Variants in STX8 observed in about 807,000 individuals in gnomAD.
The protein encoded by STX8 is syntaxin 8.
STX8 carries 23 observed loss-of-function variants against 37.5 expected under a neutral mutation model. That is an observed-to-expected ratio of 0.61 (90% CI 0.44 to 0.87). The LOEUF is 0.87. STX8 is among the 40% of genes least tolerant of loss of function. STX8 has a pLI of 0.00. For synonymous variants in STX8, 115 were observed against 99.1 expected, an observed-to-expected ratio of 1.16 and a Z score of -0.95; for missense variants, 313 against 284.7, an observed-to-expected ratio of 1.10 and a Z score of -0.71.
chr17:9,289,513 A>ATT (rs58687825), intron 7 of STX8, among the ~76,000 whole-genome samples: 35 of 147,262 alleles, frequency 2.4e-4, no homozygotes, highest in African/African-American at 8.7e-4. Flanking sequence ...ATACCCACAA[A>ATT]TTTTTTTTTT....
intron 7 of STX8, among the ~76,000 whole-genome samples, chr17:9,277,904 C>T (rs1337207157): frequency 6.6e-6 from 1 of 152,012 alleles, no homozygotes; most frequent in Non-Finnish European, 1.5e-5. Context: ...CCTGCAGGGC[C>T]CTAGAAGCCA....
chr17:9,475,759 T>A (rs1906075748), intron 6 of STX8, among the ~76,000 whole-genome samples: 1 of 152,248 alleles, frequency 6.6e-6, no homozygotes. Flanking sequence ...TGAATCGGCT[T>A]GTGCCCTCTT....
chr17:9,562,491 A>G (rs1907281874), intron 2 of STX8, among the ~76,000 whole-genome samples: 1 of 152,044 alleles, frequency 6.6e-6, no homozygotes, highest in Non-Finnish European at 1.5e-5. Context: ...AATAACTACA[A>G]TTTATCACGA....
chr17:9,362,840 A>AAAATAAATAAATAAAT (rs1555601153), intron 7 of STX8, among the ~76,000 whole-genome samples: 24 of 115,444 alleles, frequency 2.1e-4, no homozygotes, highest in African/African-American at 7.2e-4. Context: ...AAAAAAAAAA[A>AAAATAAATAAATAAAT]AAATAAATAA....
At chr17:9,458,055 C>T (rs1159158338) in intron 6 of STX8, among the ~76,000 whole-genome samples, 1 of 152,196 alleles carries the variant, frequency 6.6e-6, no homozygotes, top group African/African-American at 2.4e-5. Context: ...ACCAATCTTG[C>T]TAAGAAAACC....
rs146838683 is a variant in STX8, at chr17:9,267,479, G to A, written c.644-16834C>T. Among the ~76,000 whole-genome samples the A allele has an allele frequency of 8.8e-3, 1,335 of 152,184 alleles. 9 individuals are homozygous for A. The highest frequency in any genetic ancestry group is 0.029 in the South Asian group (140 of 4,810). ...GTGCTCAATGCTGCCCATATCCCCC[G>A]TGTTGTGTGACACCACAGCACGAGT... On this transcript the variant is annotated intron_variant, in intron 7 of 7. Coordinates refer to ENST00000306357, the MANE Select transcript of STX8 (RefSeq NM_004853.3).
chr17:9,286,613 T>C (rs1039358501), intron 7 of STX8, among the ~76,000 whole-genome samples: 1 of 149,698 alleles, frequency 6.7e-6, no homozygotes, highest in African/African-American at 2.5e-5. Flanking sequence ...AACTCTAAGC[T>C]GGCTACAGCA....
chr17:9,292,883 C>G (rs1241257357), intron 7 of STX8, among the ~76,000 whole-genome samples: 1 of 152,140 alleles, frequency 6.6e-6, no homozygotes, highest in Admixed American at 6.5e-5. Flanking sequence ...AGCTCTCATG[C>G]CCCCCATCTT....
intron 4 of STX8, among the ~76,000 whole-genome samples, chr17:9,541,984 T>C (rs1367009453): frequency 6.6e-6 from 1 of 150,462 alleles, no homozygotes; most frequent in Non-Finnish European, 1.5e-5. Flanking sequence ...ACTCTGCAAG[T>C]ACATGGTCTA....
chr17:9,400,412 T>C (rs1177301326), intron 6 of STX8, among the ~76,000 whole-genome samples: 1 of 148,884 alleles, frequency 6.7e-6, no homozygotes, highest in Non-Finnish European at 1.5e-5. Context: ...TTTATTTATT[T>C]TTTTTTTTTT....
chr17:9,435,884 G>C (rs776297477), intron 6 of STX8, among the ~76,000 whole-genome samples: 6 of 151,922 alleles, frequency 3.9e-5, no homozygotes, highest in Non-Finnish European at 7.4e-5. Context: ...AATAATTTTT[G>C]TCAATTTAAA....
intron 7 of STX8, among the ~76,000 whole-genome samples, chr17:9,304,982 T>C (rs1487655151): frequency 6.6e-6 from 1 of 151,816 alleles, no homozygotes; most frequent in East Asian, 1.9e-4. Flanking sequence ...GCTTAACGAC[T>C]TTTTCACTTT....
At chr17:9,360,898 C>G (rs1375591504) in intron 7 of STX8, among the ~76,000 whole-genome samples, 1 of 152,116 alleles carries the variant, frequency 6.6e-6, no homozygotes, top group Non-Finnish European at 1.5e-5. Context: ...CAGAAAGTAA[C>G]CCAGTGAGAC....
At chr17:9,502,836 C>G (rs1197349151) in intron 5 of STX8, among the ~76,000 whole-genome samples, 2 of 152,094 alleles carry the variant, frequency 1.3e-5, no homozygotes, top group Non-Finnish European at 2.9e-5. Flanking sequence ...GGCGCGGTGG[C>G]TCATGCCTGT....
intron 2 of STX8, among the ~76,000 whole-genome samples, chr17:9,566,287 T>C (rs1354252370): frequency 6.6e-6 from 1 of 152,126 alleles, no homozygotes; most frequent in Non-Finnish European, 1.5e-5. Flanking sequence ...TGGTTATTAC[T>C]AAAAAGTCAA....
chr17:9,398,717 TAA>T, intron 6 of STX8, among the ~76,000 whole-genome samples: 1 of 152,186 alleles, frequency 6.6e-6, no homozygotes, highest in South Asian at 2.1e-4. Context: ...TTCTAAAAAA[TAA>T]AGTCATACTA....
chr17:9,513,877 T>C (rs1409167669), intron 4 of STX8, among the ~76,000 whole-genome samples: 1 of 152,212 alleles, frequency 6.6e-6, no homozygotes, highest in African/African-American at 2.4e-5. Context: ...GCAACATGGA[T>C]GGAGCTGGAG....
chr17:9,271,748 C>CA (rs71135959), intron 7 of STX8, among the ~76,000 whole-genome samples: 4,885 of 62,882 alleles, frequency 0.078, 130 homozygotes, highest in Middle Eastern at 0.11. Flanking sequence ...GACTCCATCT[C>CA]AAAAAAAAAA....
intron 6 of STX8, among the ~76,000 whole-genome samples, chr17:9,404,326 A>C (rs1473021222): frequency 6.6e-6 from 1 of 152,160 alleles, no homozygotes; most frequent in Non-Finnish European, 1.5e-5. Context: ...AATACACTGT[A>C]ATTTGCCTGA....
Sources: allele counts gnomAD v4.1 joint callset (sites outside exome capture counted in the v4.1 genomes callset), GRCh38; gene constraint gnomAD v4.1.1; transcripts MANE v1.5; gene names NCBI Gene and HGNC (gene_info 2026-07-23, HGNC 2026-07-21).